The following NTSR1 variants were observed in gnomAD, a reference collection of about 807,000 sequenced individuals.
The protein encoded by NTSR1 is neurotensin receptor type 1.
NTSR1 carries 29 observed loss-of-function variants against 31.2 expected under a neutral mutation model. That is an observed-to-expected ratio of 0.93 (90% CI 0.69 to 1.27). NTSR1 has a LOEUF of 1.27. Among genes scored for constraint, NTSR1 ranks in the 50% most tolerant of loss-of-function variants. The pLI, the probability that NTSR1 is intolerant of heterozygous loss-of-function variation, is 0.00. For missense variants in NTSR1, 697 were observed against 595.4 expected, an observed-to-expected ratio of 1.17 and a Z score of -1.78; for synonymous variants, 282 against 269.9, an observed-to-expected ratio of 1.04 and a Z score of -0.44.
Position 62,714,898 on chromosome 20 carries a change from T to A in NTSR1, c.714+4977T>A, listed in dbSNP as rs1988684360. 6.6e-6 allele frequency among the ~76,000 whole-genome samples: 1 copy of A among 152,184 alleles called. No homozygotes were observed. The highest frequency in any genetic ancestry group is 1.5e-5 in the Non-Finnish European group (1 of 68,026). On this transcript the variant is annotated intron_variant, in intron 1 of 3. Transcript: ENST00000370501. The surrounding 1 kb of genome is among the most constrained non-coding windows in gnomAD (Gnocchi z 4.1). ...GTAGTGAATAGCTACAAATTCTTGT[T>A]GTCCAGAGCTGTTGTGGGTATGGTT...
At chr20:62,759,396 T>C (rs1016799214) in intron 3 of NTSR1, among the ~76,000 whole-genome samples, 1 of 152,062 alleles carries the variant, frequency 6.6e-6, no homozygotes, top group Non-Finnish European at 1.5e-5. Context: ...CCTGGACCCT[T>C]GGATGCACAG....
intron 2 of NTSR1, among the ~76,000 whole-genome samples, chr20:62,757,849 C>A (rs1989537434): frequency 6.6e-6 from 1 of 151,898 alleles, no homozygotes; most frequent in African/African-American, 2.4e-5. Flanking sequence ...TGAGCTTATG[C>A]TCCCTCCCCA....
rs1263499923 is a variant in NTSR1, at chr20:62,741,385, G to A, written c.715-13300G>A. ...GCTCCCTGCTGCCTGGAAGAGGAGA[G>A]GAGGGCAAACCTCTTGCAGAGGTGA... On this transcript the variant is annotated intron_variant, in intron 1 of 3. Coordinates refer to ENST00000370501, the MANE Select transcript of NTSR1 (RefSeq NM_002531.3). The surrounding 1 kb of genome is among the most constrained non-coding windows in gnomAD (Gnocchi z 4.3). Among the ~76,000 whole-genome samples, 1 of 143,846 alleles carries A rather than the reference G, an allele frequency of 7.0e-6. No homozygotes were observed. Among genetic ancestry groups the A allele is most frequent in the Non-Finnish European group, 1.5e-5 (1 of 67,858 alleles). 94.4% of individuals were successfully genotyped at this position (143,846 alleles called of 152,430 possible).
chr20:62,712,954 G>C (rs560014963), intron 1 of NTSR1, among the ~76,000 whole-genome samples: 1 of 152,234 alleles, frequency 6.6e-6, no homozygotes, highest in South Asian at 2.1e-4. Flanking sequence ...TATACTGAAC[G>C]TGTGCACACA....
intron 1 of NTSR1, among the ~76,000 whole-genome samples, chr20:62,753,181 G>A (rs966071476): frequency 1.3e-5 from 2 of 152,212 alleles, no homozygotes; most frequent in African/African-American, 2.4e-5. Context: ...GAGTGGAGCC[G>A]GGAGCTTCGA....
At chr20:62,719,217 AT>A (rs1464278740) in intron 1 of NTSR1, among the ~76,000 whole-genome samples, 1 of 150,762 alleles carries the variant, frequency 6.6e-6, no homozygotes, top group African/African-American at 2.4e-5. Flanking sequence ...GTGCTGAGAG[AT>A]TTTTTTCTTC....
intron 3 of NTSR1, 141 bp from the exon 4 acceptor site, chr20:62,759,877 C>T: frequency 2.5e-6 from 2 of 787,300 alleles, no homozygotes; most frequent in South Asian, 1.7e-5. Flanking sequence ...TATGAAATGT[C>T]CCCAAACAAC....
At chr20:62,728,119 G>A (rs1438613823) in intron 1 of NTSR1, among the ~76,000 whole-genome samples, 1 of 152,234 alleles carries the variant, frequency 6.6e-6, no homozygotes, top group African/African-American at 2.4e-5. Flanking sequence ...GTGGATGAGG[G>A]GTGTGGACTG....
In NTSR1 at chr20:62,742,763, A is replaced by T. The variant is rs1195656152; in HGVS notation, c.715-11922A>T. 6.7e-6 allele frequency among the ~76,000 whole-genome samples: 1 copy of T among 148,276 alleles called. No homozygotes were observed. Among genetic ancestry groups the T allele is most frequent in the Non-Finnish European group, 1.5e-5 (1 of 67,872 alleles). On this transcript the variant is annotated intron_variant, in intron 1 of 3. Transcript: ENST00000370501. The surrounding 1 kb of genome is among the most constrained non-coding windows in gnomAD (Gnocchi z 7.1). Reference sequence around the variant, plus strand: ...AGCGCTGGGCTGTGTCACCTTAAAGACCCCTTTGCTCTCTTGGCCCTGGCA... The same window carrying T: ...AGCGCTGGGCTGTGTCACCTTAAAGTCCCCTTTGCTCTCTTGGCCCTGGCA...
chr20:62,709,151 T>C lies in NTSR1; in HGVS notation c.-57T>C. 1 of 1,326,488 alleles carries C rather than the reference T, an allele frequency of 7.5e-7. No homozygotes were observed. The allele number at this position is 1,326,488 out of a possible 1,614,324, so 82.2% of individuals were successfully genotyped here. ...TCCCCGCCTGAGACGCGCCCACTCC[T>C]GCCCGGACTTCCAGCCCCGGAGGCG... On this transcript the variant is annotated 5_prime_UTR_variant, in exon 1 of 4. Coordinates refer to ENST00000370501, the MANE Select transcript of NTSR1 (RefSeq NM_002531.3).
chr20:62,726,385 G>A (rs1988907181), intron 1 of NTSR1, among the ~76,000 whole-genome samples: 1 of 152,204 alleles, frequency 6.6e-6, no homozygotes, highest in African/African-American at 2.4e-5. Context: ...CTGCCCTCAA[G>A]AAACTGCTGC....
intron 1 of NTSR1, among the ~76,000 whole-genome samples, chr20:62,750,690 C>CA (rs59850535): frequency 0.043 from 2,317 of 54,104 alleles, 64 homozygotes; most frequent in East Asian, 0.057. Context: ...GACTCCGTCT[C>CA]AAAAAAAAAA....
chr20:62,730,940 T>G (rs1988991584), intron 1 of NTSR1, among the ~76,000 whole-genome samples: 1 of 152,242 alleles, frequency 6.6e-6, no homozygotes, highest in African/African-American at 2.4e-5. Flanking sequence ...TTCCTTATTG[T>G]TGAGTTGTAA....
chr20:62,735,940 T>C (rs11908372), intron 1 of NTSR1, among the ~76,000 whole-genome samples: 17,489 of 152,270 alleles, frequency 0.11, 2,463 homozygotes, highest in African/African-American at 0.31. Flanking sequence ...TGAGGGGGTC[T>C]GGTCTGAATC....
At position 62,740,815 on chromosome 20, in the gene NTSR1, G is replaced by C. The variant is rs117442805; in HGVS notation, c.715-13870G>C. Among the ~76,000 whole-genome samples, 988 of 152,348 alleles carry C rather than the reference G, an allele frequency of 6.5e-3. 20 individuals are homozygous for C. The highest frequency in any genetic ancestry group is 0.064 in the South Asian group (309 of 4,830). ...CCCAGCAGATGCCTTGTGGGTGTGA[G>C]CATTCTCATGGGCTTGAAGCTGGCA... On this transcript the variant is annotated intron_variant, in intron 1 of 3. Transcript: ENST00000370501.
intron 1 of NTSR1, among the ~76,000 whole-genome samples, chr20:62,748,186 A>C (rs2147145445): frequency 6.6e-6 from 1 of 152,232 alleles, no homozygotes; most frequent in African/African-American, 2.4e-5. Context: ...AAAAAAAAAA[A>C]AAAAAAAAAT....
At chr20:62,753,776 G>A (rs911181420) in intron 1 of NTSR1, among the ~76,000 whole-genome samples, 5 of 152,212 alleles carry the variant, frequency 3.3e-5, no homozygotes, top group Admixed American at 1.3e-4. Context: ...ATTGGAAGCC[G>A]GGCCATGGCC....
At chr20:62,736,601 C>G (rs180835457) in intron 1 of NTSR1, among the ~76,000 whole-genome samples, 1 of 152,196 alleles carries the variant, frequency 6.6e-6, no homozygotes, top group East Asian at 1.9e-4. Context: ...GCGAGGACTC[C>G]GAGGACTCCG....
rs755823359 is a variant in NTSR1, at chr20:62,760,840, G to C, written c.*573G>C. 8.5e-5 allele frequency: 13 copies of C among 152,892 alleles called. No homozygotes were observed. The highest frequency in any genetic ancestry group is 3.3e-4 in the Admixed American group (5 of 15,336). The allele number at this position is 152,892 out of a possible 1,614,324, so 9.5% of individuals were successfully genotyped here. ...TCCCTGACTCGCCCCTTCAGGCCTG[G>C]CAAGCTGGGGGCCCATCGCCGTGGG... On this transcript the variant is annotated 3_prime_UTR_variant, in exon 4 of 4. Transcript: ENST00000370501.
Sources: allele counts gnomAD v4.1 joint callset (sites outside exome capture counted in the v4.1 genomes callset), GRCh38; gene constraint gnomAD v4.1.1; non-coding constraint Gnocchi (gnomAD v3.1); transcripts MANE v1.5; gene names NCBI Gene and HGNC (gene_info 2026-07-23, HGNC 2026-07-21).